The following CREB5 variants were observed in gnomAD, a reference collection of about 807,000 sequenced individuals.
CREB5 encodes cAMP responsive element binding protein 5.
In CREB5, 19 loss-of-function variants were observed where a neutral mutation model predicts 57.1. The ratio of observed to expected loss-of-function variants is 0.33; its 90% CI spans 0.23 to 0.49. CREB5 has a LOEUF of 0.49. Ranked by LOEUF, CREB5 falls within the 20% of genes least tolerant of loss-of-function variation. The pLI is 0.99. For missense variants in CREB5, 579 were observed against 671.6 expected (o/e 0.86, Z 1.52); for synonymous variants, 238 against 238.3 (o/e 1.00, Z 0.01).
chr7:28,438,475 C>T (rs536922350), intron 1 of CREB5, among the ~76,000 whole-genome samples: 4 of 152,030 alleles, frequency 2.6e-5, no homozygotes, highest in East Asian at 1.9e-4. Context: ...TTTTTTTCTA[C>T]CTGATAAGTA....
At chr7:28,451,666 G>A (rs1053015468) in intron 1 of CREB5, among the ~76,000 whole-genome samples, 1 of 152,054 alleles carries the variant, frequency 6.6e-6, no homozygotes, top group Non-Finnish European at 1.5e-5. Context: ...CTGTGGAGGT[G>A]GGACAAGGGA....
At chr7:28,780,953 C>A (rs1806939288) in intron 7 of CREB5, among the ~76,000 whole-genome samples, 1 of 152,192 alleles carries the variant, frequency 6.6e-6, no homozygotes. Flanking sequence ...GGGCTAAGTT[C>A]TGAATGCATA....
chr7:28,774,018 T>C (rs1428059777), intron 7 of CREB5, among the ~76,000 whole-genome samples: 2 of 152,220 alleles, frequency 1.3e-5, no homozygotes, highest in Admixed American at 6.5e-5. Context: ...GTAGAGGTTG[T>C]TCATTAACTA....
Position 28,732,944 on chromosome 7 carries a change from G to A in CREB5, c.702+8612G>A, listed in dbSNP as rs140284856. Among the ~76,000 whole-genome samples the A allele has an allele frequency of 3.5e-3, 522 of 149,346 alleles. 2 individuals are homozygous for A. Among genetic ancestry groups the A allele is most frequent in the African/African-American group, 0.012 (482 of 40,844 alleles). On this transcript the variant is annotated intron_variant, in intron 7 of 10. Transcript: ENST00000357727. The stretch of plus-strand genomic sequence containing the variant: ...ATCCTTTTAAAATTGTCTTTTTATC[G>A]CTTGTTTGAGAAGCTGGATTGTACT...
intron 1 of CREB5, among the ~76,000 whole-genome samples, chr7:28,333,397 C>T (rs1477462334): frequency 1.3e-5 from 2 of 152,176 alleles, no homozygotes; most frequent in Admixed American, 1.3e-4. Flanking sequence ...GTGTTAAAAA[C>T]AATCCGATTA....
At chr7:28,334,175 G>A (rs67793117) in intron 1 of CREB5, among the ~76,000 whole-genome samples, 23,613 of 152,066 alleles carry the variant, frequency 0.16, 2,096 homozygotes, top group East Asian at 0.32. Context: ...GATTGTTTGA[G>A]ATGGAGTTTC....
intron 5 of CREB5, among the ~76,000 whole-genome samples, chr7:28,593,752 A>G (rs183014066): frequency 1.3e-5 from 2 of 152,354 alleles, no homozygotes; most frequent in South Asian, 2.1e-4. Context: ...AAGATGTGCC[A>G]TAGGTGATAA....
intron 5 of CREB5, among the ~76,000 whole-genome samples, chr7:28,597,763 C>T (rs537191701): frequency 6.6e-6 from 1 of 152,132 alleles, no homozygotes; most frequent in Non-Finnish European, 1.5e-5. Flanking sequence ...TCTGGGTTCA[C>T]TTGGAGAGGA....
chr7:28,797,176 G>A (rs1808097701), intron 7 of CREB5, among the ~76,000 whole-genome samples: 1 of 152,108 alleles, frequency 6.6e-6, no homozygotes, highest in Non-Finnish European at 1.5e-5. Flanking sequence ...ACATCAAAGT[G>A]CAATGTATCA....
In CREB5 at chr7:28,780,480, G is replaced by A. The variant is rs547533951; in HGVS notation, c.703-23719G>A. Among the ~76,000 whole-genome samples the A allele has an allele frequency of 3.9e-5, 6 of 152,192 alleles. No individual in the cohort carries two copies. The East Asian group carries it at 7.7e-4, about 20-fold the overall frequency. ...CTCATGCCTGTAATCCCAGCACTTC[G>A]GGAGACTGAGGCAGGCAGATCACTT... On this transcript the variant is annotated intron_variant, in intron 7 of 10. Coordinates refer to ENST00000357727, the MANE Select transcript of CREB5 (RefSeq NM_182898.4).
chr7:28,420,882 T>C lies in CREB5; in HGVS notation c.3+7965T>C, dbSNP rs183708592. Among the ~76,000 whole-genome samples the C allele has an allele frequency of 5.1e-3, 763 of 149,490 alleles. 5 individuals carry two copies. Among genetic ancestry groups the C allele is most frequent in the African/African-American group, 0.018 (733 of 40,482 alleles). ...TATATTTTACCACAGTTATAAGAAA[T>C]GGGGAAAAAGTTTGCTTGTACCCAT... On this transcript the variant is annotated intron_variant, in intron 1 of 10. Transcript: ENST00000357727.
At chr7:28,506,556 G>C (rs1792486018) in intron 3 of CREB5, among the ~76,000 whole-genome samples, 1 of 152,206 alleles carries the variant, frequency 6.6e-6, no homozygotes, top group Non-Finnish European at 1.5e-5. Context: ...TTATCTGGGA[G>C]ACCTTAAGCA....
chr7:28,752,102 T>C (rs2128764027), intron 7 of CREB5, among the ~76,000 whole-genome samples: 1 of 152,366 alleles, frequency 6.6e-6, no homozygotes, highest in East Asian at 1.9e-4. Context: ...ATATTAACCC[T>C]GATCACCTGT....
intron 5 of CREB5, among the ~76,000 whole-genome samples, chr7:28,613,358 C>T (rs139081288): frequency 6.6e-6 from 1 of 152,294 alleles, no homozygotes; most frequent in African/African-American, 2.4e-5. Context: ...GCAGTGAAGG[C>T]AGAAGCCTGA....
At chr7:28,536,815 A>G (rs1244440844) in intron 4 of CREB5, among the ~76,000 whole-genome samples, 1 of 152,198 alleles carries the variant, frequency 6.6e-6, no homozygotes, top group African/African-American at 2.4e-5. Flanking sequence ...AAAAGTAGCT[A>G]TTTTATATCC....
intron 1 of CREB5, among the ~76,000 whole-genome samples, chr7:28,455,999 C>G (rs1790079007): frequency 6.6e-6 from 1 of 152,208 alleles, no homozygotes. Flanking sequence ...CTTTTAACCT[C>G]AGTCCCCATG....
chr7:28,438,056 G>A (rs1789030397), intron 1 of CREB5, among the ~76,000 whole-genome samples: 1 of 152,110 alleles, frequency 6.6e-6, no homozygotes, highest in Admixed American at 6.5e-5. Context: ...CATCATTTAT[G>A]TAGTGTCTTA....
chr7:28,503,061 T>A (rs1792330913), intron 3 of CREB5, among the ~76,000 whole-genome samples: 1 of 152,242 alleles, frequency 6.6e-6, no homozygotes, highest in African/African-American at 2.4e-5. Flanking sequence ...AGGCAGACTA[T>A]GAACTGATAG....
At chr7:28,524,305 C>T (rs939308576) in intron 4 of CREB5, among the ~76,000 whole-genome samples, 5 of 141,000 alleles carry the variant, frequency 3.5e-5, no homozygotes, top group African/African-American at 1.1e-4. Flanking sequence ...GGTGAAACCT[C>T]GCCTCTACTA....
Sources: allele counts gnomAD v4.1 joint callset (sites outside exome capture counted in the v4.1 genomes callset), GRCh38; gene constraint gnomAD v4.1.1; transcripts MANE v1.5; gene names NCBI Gene and HGNC (gene_info 2026-07-23, HGNC 2026-07-21).